Variants in CACNA2D2 observed in about 807,000 individuals in gnomAD.
CACNA2D2 encodes voltage-dependent calcium channel subunit alpha-2/delta-2.
CACNA2D2 carries 48 observed loss-of-function variants against 166.4 expected under a neutral mutation model. The observed-to-expected ratio is 0.29, with a 90% CI of 0.23 to 0.37. CACNA2D2 has a LOEUF of 0.37. CACNA2D2 is among the 10% of genes least tolerant of loss of function. CACNA2D2 has a pLI of 1.00. For synonymous variants in CACNA2D2, 561 were observed against 573.7 expected (o/e 0.98, Z 0.32); for missense variants, 1,122 against 1,433.0 (o/e 0.78, Z 3.50).
intron 6 of CACNA2D2, among the ~76,000 whole-genome samples, chr3:50,382,449 G>A (rs587677480): frequency 7.9e-5 from 12 of 152,282 alleles, no homozygotes; most frequent in Admixed American, 6.5e-4. Flanking sequence ...ACTCTCCCTC[G>A]GGCGGCCCCT....
intron 2 of CACNA2D2, among the ~76,000 whole-genome samples, chr3:50,439,364 G>A (rs1004455535): frequency 3.3e-5 from 5 of 152,250 alleles, no homozygotes; most frequent in African/African-American, 7.2e-5. Context: ...TCTCCGCAGC[G>A]AAGGTGAACA....
chr3:50,470,791 C>G (rs1350135922), intron 2 of CACNA2D2, among the ~76,000 whole-genome samples: 1 of 151,860 alleles, frequency 6.6e-6, no homozygotes, highest in Non-Finnish European at 1.5e-5. Flanking sequence ...GGGGGGGACA[C>G]AGAGGGGGTC....
intron 1 of CACNA2D2, among the ~76,000 whole-genome samples, chr3:50,502,498 C>T (rs1699017888): frequency 6.6e-6 from 1 of 152,188 alleles, no homozygotes; most frequent in South Asian, 2.1e-4. Context: ...AAAAAACCTG[C>T]GGAGGCTGGC....
chr3:50,476,892 A>G (rs1023327610), intron 1 of CACNA2D2, among the ~76,000 whole-genome samples: 5 of 148,554 alleles, frequency 3.4e-5, no homozygotes, highest in Admixed American at 1.3e-4. Context: ...TCTCCCTCAC[A>G]CTGGTACCAC....
rs1704070393 is a variant in CACNA2D2, at chr3:50,363,954, T to G, written c.*712A>C. ...CAACCCTCCCACCAACCCCTCGCCC[T>G]GTGTAAGGCTTTGTAAGCCCCTACA... On this transcript the variant is annotated 3_prime_UTR_variant, in exon 38 of 38. Coordinates refer to ENST00000424201, the MANE Select transcript of CACNA2D2 (RefSeq NM_006030.4). 1 of 149,256 alleles carries G rather than the reference T, an allele frequency of 6.7e-6. No homozygotes were observed. Among genetic ancestry groups the G allele is most frequent in the East Asian group, 2.1e-4 (1 of 4,764 alleles). The allele number at this position is 149,256 out of a possible 1,614,324, so 9.2% of individuals were successfully genotyped here.
intron 22 of CACNA2D2, among the ~76,000 whole-genome samples, chr3:50,374,426 C>T (rs1279709205): frequency 4.0e-5 from 6 of 149,998 alleles, no homozygotes; most frequent in African/African-American, 2.5e-5. Flanking sequence ...GGGGTGTCTT[C>T]CAAGAATGCA....
At chr3:50,452,992 G>C (rs914106827) in intron 2 of CACNA2D2, among the ~76,000 whole-genome samples, 6 of 152,322 alleles carry the variant, frequency 3.9e-5, no homozygotes, top group African/African-American at 1.4e-4. Context: ...AGATGATGCA[G>C]AGGCCTCCTG....
chr3:50,384,824 G>A (rs973719912), intron 5 of CACNA2D2, among the ~76,000 whole-genome samples: 1 of 152,230 alleles, frequency 6.6e-6, no homozygotes, highest in African/African-American at 2.4e-5. Flanking sequence ...CTGGGACCAG[G>A]GAGAGGGCCC....
chr3:50,429,109 A>G (rs978926785), intron 3 of CACNA2D2, among the ~76,000 whole-genome samples: 57 of 152,182 alleles, frequency 3.7e-4, no homozygotes, highest in African/African-American at 1.3e-3. Context: ...ACACACCTGT[A>G]ATCCCGGCTA....
chr3:50,456,953 A>G (rs966112318), intron 2 of CACNA2D2, among the ~76,000 whole-genome samples: 1 of 152,168 alleles, frequency 6.6e-6, no homozygotes, highest in Non-Finnish European at 1.5e-5. Flanking sequence ...GCCCCCAAAT[A>G]AAATGATAAA....
chr3:50,487,301 C>T (rs184249676), intron 1 of CACNA2D2, among the ~76,000 whole-genome samples: 48 of 152,342 alleles, frequency 3.2e-4, no homozygotes, highest in African/African-American at 1.1e-3. Context: ...TCACTGCCTC[C>T]ACAAGCAAGC....
At position 50,366,231 on chromosome 3, in the gene CACNA2D2, C is replaced by G; in HGVS notation, c.2709+36G>C. On this transcript the variant is annotated intron_variant, in intron 31 of 37. Coordinates refer to ENST00000424201, the MANE Select transcript of CACNA2D2 (RefSeq NM_006030.4). This position sits in a 1 kb window ranked among gnomAD's most constrained non-coding sequence, Gnocchi z 5.9. ...GCTACACCCCTAGAAGGCTCAAATC[C>G]CTACTCTCTTCTTTCACTCTCTTCC... 6.2e-7 allele frequency: 1 copy of G among 1,614,012 alleles called. No individual in the cohort carries two copies. The highest frequency in any genetic ancestry group is 1.1e-5 in the South Asian group (1 of 91,082).
In CACNA2D2 at chr3:50,367,233, G is replaced by T; in HGVS notation, c.2402-124C>A. Reference sequence around the variant, plus strand: ...TCCAGCCCAAGCACCCAGCACTCAGGACAGTGTTTGGCACAGTCTATCCCT... The same window carrying T: ...TCCAGCCCAAGCACCCAGCACTCAGTACAGTGTTTGGCACAGTCTATCCCT... On this transcript the variant is annotated intron_variant, in intron 27 of 37. Transcript: ENST00000424201. The surrounding 1 kb of genome is among the most constrained non-coding windows in gnomAD (Gnocchi z 6.5). The T allele has an allele frequency of 1.0e-6, 1 of 987,476 alleles. No homozygotes were observed. Among genetic ancestry groups the T allele is most frequent in the South Asian group, 1.4e-5 (1 of 71,444 alleles). The allele number at this position is 987,476 out of a possible 1,614,324, so 61.2% of individuals were successfully genotyped here. A position where few individuals can be genotyped will look rare whatever the true frequency, so the allele number is the denominator to read the frequency against.
intron 1 of CACNA2D2, among the ~76,000 whole-genome samples, chr3:50,498,517 C>A (rs1698817558): frequency 6.6e-6 from 1 of 152,214 alleles, no homozygotes; most frequent in Non-Finnish European, 1.5e-5. Context: ...CACCCCTCCA[C>A]ACAGAGCAGG....
chr3:50,457,904 G>C (rs1270170674), intron 2 of CACNA2D2, among the ~76,000 whole-genome samples: 1 of 152,210 alleles, frequency 6.6e-6, no homozygotes, highest in Non-Finnish European at 1.5e-5. Context: ...AGACTAATGA[G>C]GGTAAGGGTA....
chr3:50,462,928 TAGA>T, intron 2 of CACNA2D2, among the ~76,000 whole-genome samples: 1 of 149,520 alleles, frequency 6.7e-6, no homozygotes, highest in South Asian at 2.1e-4. Context: ...AGGGGAAGGA[TAGA>T]AGGATAGAGA....
At chr3:50,373,193 C>A in intron 22 of CACNA2D2, 1 of 907,146 alleles carries the variant, frequency 1.1e-6, no homozygotes, top group South Asian at 1.4e-5. Flanking sequence ...ATATTTTATT[C>A]AATGGCTGTT....
Position 50,366,867 on chromosome 3 carries a change from T to C in CACNA2D2, c.2553A>G (p.Leu851=). 1 of 1,613,520 alleles carries C rather than the reference T, an allele frequency of 6.2e-7. No homozygotes were observed. The part of the protein sequence containing the change: ...LEAWAEKFKV[L]ASNRTHQDQP... ...GGTCTTGGTGGGTACGGTTGCTGGCTAGCACCTTGAACTTCTCAGCCCAAG... is the reference window on the plus strand; with the variant it reads ...GGTCTTGGTGGGTACGGTTGCTGGCCAGCACCTTGAACTTCTCAGCCCAAG... The change falls in exon 29 of 38, where the codon CTA becomes CTG. Residue 851 remains leucine, a synonymous_variant. Coordinates refer to ENST00000424201, the MANE Select transcript of CACNA2D2 (RefSeq NM_006030.4). The surrounding 1 kb of genome is among the most constrained non-coding windows in gnomAD (Gnocchi z 5.9).
chr3:50,503,928 C>G (rs1448153755), upstream of CACNA2D2: 1 of 152,246 alleles, frequency 6.6e-6, no homozygotes, highest in Admixed American at 6.5e-5. Context: ...GGAAGAGTCC[C>G]GGGCCCCGCG....
Sources: allele counts gnomAD v4.1 joint callset (sites outside exome capture counted in the v4.1 genomes callset), GRCh38; gene constraint gnomAD v4.1.1; non-coding constraint Gnocchi (gnomAD v3.1); transcripts MANE v1.5; gene names NCBI Gene and HGNC (gene_info 2026-07-23, HGNC 2026-07-21).